Variants in MLLT3 observed in about 807,000 individuals in gnomAD.
MLLT3 encodes the protein MLLT3 super elongation complex subunit, also known as protein AF-9.
MLLT3 carries 4 observed loss-of-function variants against 53.2 expected under a neutral mutation model. That is an observed-to-expected ratio of 0.08 (90% CI 0.04 to 0.17). The LOEUF is 0.17. Ranked by LOEUF, MLLT3 falls within the 10% of genes least tolerant of loss-of-function variation. The pLI is 1.00. For missense variants in MLLT3, 569 were observed against 684.0 expected (o/e 0.83, Z 1.87); for synonymous variants, 283 against 230.6 (o/e 1.23, Z -2.06).
chr9:20,496,796 T>G (rs527917460), intron 2 of MLLT3, among the ~76,000 whole-genome samples: 181 of 152,304 alleles, frequency 1.2e-3, no homozygotes, highest in Admixed American at 4.4e-3. Context: ...TCTTTGCTCT[T>G]CTCAAATCCC....
At chr9:20,507,461 T>A (rs1825410183) in intron 2 of MLLT3, among the ~76,000 whole-genome samples, 1 of 152,132 alleles carries the variant, frequency 6.6e-6, no homozygotes, top group Non-Finnish European at 1.5e-5. Context: ...AAAAACGTAT[T>A]CATAAAAAGG....
chr9:20,345,303 T>C lies in MLLT3; in HGVS notation c.*1140A>G, dbSNP rs1304058507. 4.7e-6 allele frequency: 1 copy of C among 212,576 alleles called. No homozygotes were observed. The highest frequency in any genetic ancestry group is 9.5e-6 in the Non-Finnish European group (1 of 105,006). The allele number at this position is 212,576 out of a possible 1,614,324, so 13.2% of individuals were successfully genotyped here. On this transcript the variant is annotated 3_prime_UTR_variant, in exon 11 of 11. Coordinates refer to ENST00000380338, the MANE Select transcript of MLLT3 (RefSeq NM_004529.4). ...CCAAGAATTTTTCCCCAAAGAAAGA[T>C]TTTAATTTTTTCAAATATAAAAGTG...
intron 5 of MLLT3, among the ~76,000 whole-genome samples, chr9:20,389,635 C>T (rs1822135533): frequency 6.6e-6 from 1 of 151,838 alleles, no homozygotes; most frequent in Non-Finnish European, 1.5e-5. Flanking sequence ...AAAAAAAAAG[C>T]CACATGTGGT....
At chr9:20,384,421 T>C (rs1415980484) in intron 5 of MLLT3, among the ~76,000 whole-genome samples, 2 of 152,056 alleles carry the variant, frequency 1.3e-5, no homozygotes, top group African/African-American at 2.4e-5. Flanking sequence ...AATCACTACA[T>C]ATACACAGTT....
intron 5 of MLLT3, among the ~76,000 whole-genome samples, chr9:20,384,643 C>A (rs112188694): frequency 2.0e-5 from 3 of 152,096 alleles, no homozygotes; most frequent in African/African-American, 7.2e-5. Context: ...AGTATCAACA[C>A]GACAGTCAAA....
At chr9:20,564,730 T>C (rs1819304355) in intron 2 of MLLT3, among the ~76,000 whole-genome samples, 1 of 152,200 alleles carries the variant, frequency 6.6e-6, no homozygotes. Context: ...TAAAGAACTA[T>C]GGATATTTAT....
At chr9:20,507,777 A>C (rs1825422448) in intron 2 of MLLT3, among the ~76,000 whole-genome samples, 1 of 151,794 alleles carries the variant, frequency 6.6e-6, no homozygotes, top group African/African-American at 2.4e-5. Flanking sequence ...CAAGCCCAGA[A>C]AAATAGATAA....
chr9:20,559,384 T>C (rs1220784455), intron 2 of MLLT3, among the ~76,000 whole-genome samples: 5 of 152,176 alleles, frequency 3.3e-5, no homozygotes, highest in Non-Finnish European at 7.4e-5. Context: ...GGTGTTCAAG[T>C]TGCCATTCCA....
Position 20,346,379 on chromosome 9 carries a change from C to CAAAAAAAAAAAAAAAA in MLLT3, c.*63_*64insTTTTTTTTTTTTTTTT. The CAAAAAAAAAAAAAAAA allele has an allele frequency of 1.0e-6, 1 of 982,270 alleles. No individual in the cohort carries two copies. The highest frequency in any genetic ancestry group is 1.3e-6 in the Non-Finnish European group (1 of 760,716). 60.8% of individuals were successfully genotyped at this position (982,270 alleles called of 1,614,324 possible). A position where few individuals can be genotyped will look rare whatever the true frequency, so the allele number is the denominator to read the frequency against. On this transcript the variant is annotated 3_prime_UTR_variant, in exon 11 of 11. Transcript: ENST00000380338. Reference sequence around the variant, plus strand: ...AACAACAAGAACAAAAAATCACAACCAAAAAAAAAAAAAACCAAAAAAAAA... The same window carrying CAAAAAAAAAAAAAAAA: ...AACAACAAGAACAAAAAATCACAACCAAAAAAAAAAAAAAAAAAAAAAAAAAAAAACCAAAAAAAAA...
chr9:20,437,419 A>T (rs1823432429), intron 4 of MLLT3, among the ~76,000 whole-genome samples: 1 of 152,202 alleles, frequency 6.6e-6, no homozygotes, highest in African/African-American at 2.4e-5. Context: ...AGCCACAAAA[A>T]TATCTTCCAG....
intron 2 of MLLT3, among the ~76,000 whole-genome samples, chr9:20,597,734 T>C (rs1352560218): frequency 6.6e-6 from 1 of 152,186 alleles, no homozygotes; most frequent in East Asian, 1.9e-4. Flanking sequence ...TTTCATGCTT[T>C]TGAATTTTCA....
intron 7 of MLLT3, 137 bp downstream of exon 7, chr9:20,363,339 G>A (rs1161360378): frequency 5.1e-6 from 5 of 975,182 alleles, no homozygotes; most frequent in South Asian, 1.7e-5. Context: ...GGCATACCAA[G>A]GAGACCCTGC....
chr9:20,521,751 C>G (rs765137841), intron 2 of MLLT3, among the ~76,000 whole-genome samples: 28 of 152,030 alleles, frequency 1.8e-4, no homozygotes, highest in Non-Finnish European at 3.8e-4. Flanking sequence ...GTATTGAATC[C>G]TGGATTTAAT....
chr9:20,506,323 G>A (rs753975693), intron 2 of MLLT3, among the ~76,000 whole-genome samples: 1 of 152,170 alleles, frequency 6.6e-6, no homozygotes, highest in South Asian at 2.1e-4. Flanking sequence ...TTACAGGCGT[G>A]AGCCACCGTG....
chr9:20,542,805 G>C (rs1018256129), intron 2 of MLLT3, among the ~76,000 whole-genome samples: 4 of 152,188 alleles, frequency 2.6e-5, no homozygotes, highest in Non-Finnish European at 5.9e-5. Context: ...ATCCTGGATG[G>C]TATCTTCACC....
chr9:20,589,146 T>C (rs1820057935), intron 2 of MLLT3, among the ~76,000 whole-genome samples: 1 of 149,174 alleles, frequency 6.7e-6, no homozygotes, highest in South Asian at 2.2e-4. Flanking sequence ...GTATGTTTAT[T>C]GCGGCACTAT....
chr9:20,381,148 A>G (rs149985330), intron 5 of MLLT3, among the ~76,000 whole-genome samples: 1,976 of 152,128 alleles, frequency 0.013, 30 homozygotes, highest in Non-Finnish European at 0.02. Flanking sequence ...ATGCTCCAAC[A>G]AAGTATTTTA....
At chr9:20,353,725 G>T (rs1821094385) in intron 9 of MLLT3, 129 bp from the exon 10 acceptor site, 1 of 766,486 alleles carries the variant, frequency 1.3e-6, no homozygotes, top group Non-Finnish European at 2.2e-6. Context: ...TCTAGCCCAG[G>T]CTGTGTGCAC....
intron 2 of MLLT3, among the ~76,000 whole-genome samples, chr9:20,507,064 C>G (rs1226256990): frequency 6.6e-6 from 1 of 152,214 alleles, no homozygotes; most frequent in East Asian, 1.9e-4. Context: ...AAACCTTTAA[C>G]AAGTAGGCCC....
Sources: allele counts gnomAD v4.1 joint callset (sites outside exome capture counted in the v4.1 genomes callset), GRCh38; gene constraint gnomAD v4.1.1; transcripts MANE v1.5; gene names NCBI Gene and HGNC (gene_info 2026-07-23, HGNC 2026-07-21).